NRK: variants seen among roughly 807,000 people sequenced by gnomAD.
NRK encodes the protein Nik related kinase.
Under a neutral mutation model 125.2 loss-of-function variants are expected in NRK, and 67 were observed. That is an observed-to-expected ratio of 0.54 (90% CI 0.44 to 0.66). NRK has a LOEUF of 0.66. Among genes scored for constraint, NRK ranks in the 30% least tolerant of loss-of-function variants. The pLI is 0.00. For missense variants in NRK, 1,224 were observed against 1,192.9 expected, an observed-to-expected ratio of 1.03 and a Z score of -0.38; for synonymous variants, 458 against 429.0, an observed-to-expected ratio of 1.07 and a Z score of -0.84.
intron 16 of NRK, among the ~76,000 whole-genome samples, chrX:105,921,338 G>T (rs1256670337): frequency 1.9e-5 from 2 of 103,905 alleles, no homozygotes; most frequent in African/African-American, 7.1e-5. Flanking sequence ...TTGTGGGGTG[G>T]GGGGAGTGGG....
intron 2 of NRK, among the ~76,000 whole-genome samples, chrX:105,850,100 A>G (rs1242081576): frequency 8.9e-6 from 1 of 112,170 alleles, no homozygotes; most frequent in Non-Finnish European, 1.9e-5. Context: ...AGGCATTTCC[A>G]TACATCTTCT....
chrX:105,830,982 T>TA (rs770525284), intron 1 of NRK, 72 bp from the exon 2 acceptor site: 21 of 630,843 alleles, frequency 3.3e-5, no homozygotes, highest in African/African-American at 4.5e-5. Flanking sequence ...GTATATATAT[T>TA]AAAAAAAAGA....
Position 105,923,439 on chromosome X carries a change from G to T in NRK, c.2932G>T (p.Asp978Tyr). The change falls in exon 18 of 29, where the codon GAT (aspartate) becomes TAT (tyrosine). Residue 978 changes from aspartate to tyrosine, a missense_variant. Transcript: ENST00000243300. ...DHDDDNNKFV[D>Y]DVNNNYYEAP... Reference sequence around the variant, plus strand: ...TGATGATGACAACAATAAGTTTGTTGATGATGTAAATAATAATTATTATGA... The same window carrying T: ...TGATGATGACAACAATAAGTTTGTTTATGATGTAAATAATAATTATTATGA... 1 of 1,147,268 alleles carries T rather than the reference G, an allele frequency of 8.7e-7. No individual in the cohort carries two copies. Among genetic ancestry groups the T allele is most frequent in the Non-Finnish European group, 1.2e-6 (1 of 858,020 alleles). 94.5% of individuals were successfully genotyped at this position (1,147,268 alleles called of 1,213,427 possible).
chrX:105,893,848 G>A lies in NRK; in HGVS notation c.395G>A (p.Cys132Tyr). 1 of 1,189,801 alleles carries A rather than the reference G, an allele frequency of 8.4e-7. No homozygotes were observed. Among genetic ancestry groups the A allele is most frequent in the Non-Finnish European group, 1.1e-6 (1 of 876,115 alleles). ...RHQLWMVMEL[C>Y]AAGSVTDVVR... ...TTCCTGCAGATGGTGATGGAGTTAT[G>A]TGCAGCAGGTTCGGTCACTGATGTA... The change falls in exon 6 of 29, where the codon TGT becomes TAT. Residue 132 changes from cysteine to tyrosine, a missense_variant. By Grantham distance (194) the Cys-to-Tyr change is radical. Coordinates refer to ENST00000243300, the MANE Select transcript of NRK (RefSeq NM_198465.4).
At chrX:105,952,903 A>C in intron 27 of NRK, 131 bp from the exon 28 acceptor site, 1 of 523,869 alleles carries the variant, frequency 1.9e-6, no homozygotes, top group Admixed American at 4.6e-5. Context: ...TACAGGAGGG[A>C]AAAACAGGAT....
At chrX:105,907,141 C>G (rs2040231576) in intron 11 of NRK, 1 of 110,613 alleles carries the variant, frequency 9.0e-6, no homozygotes, top group African/African-American at 3.3e-5. Context: ...AAACTTCTGT[C>G]TATTAATAAA....
chrX:105,903,604 T>C (rs1317198590), intron 9 of NRK, among the ~76,000 whole-genome samples: 3 of 111,696 alleles, frequency 2.7e-5, no homozygotes, highest in Non-Finnish European at 5.6e-5. Context: ...AGATATAGGT[T>C]GGAGGGGGCA....
At chrX:105,919,746 T>G (rs1286180844) in intron 16 of NRK, among the ~76,000 whole-genome samples, 1 of 111,902 alleles carries the variant, frequency 8.9e-6, no homozygotes, top group Non-Finnish European at 1.9e-5. Flanking sequence ...GGGGTTAAGA[T>G]TGAAGAATGT....
chrX:105,893,505 T>C (rs1260350569), intron 5 of NRK, among the ~76,000 whole-genome samples: 1 of 111,922 alleles, frequency 8.9e-6, no homozygotes, highest in Admixed American at 9.5e-5. Context: ...AGCATGTGTT[T>C]ATTTAGTTTT....
intron 23 of NRK, among the ~76,000 whole-genome samples, chrX:105,941,158 T>A (rs777352719): frequency 2.4e-4 from 27 of 111,351 alleles, no homozygotes; most frequent in African/African-American, 7.5e-4. Flanking sequence ...AAATATTAGT[T>A]CAGTAAGAGA....
At chrX:105,894,983 A>C (rs749875880) in intron 6 of NRK, among the ~76,000 whole-genome samples, 37 of 111,980 alleles carry the variant, frequency 3.3e-4, no homozygotes, top group Non-Finnish European at 6.2e-4. Flanking sequence ...CTGTAAAATG[A>C]ATTTCCACAT....
At chrX:105,891,551 A>G (rs1022335087) in intron 5 of NRK, among the ~76,000 whole-genome samples, 7 of 111,689 alleles carry the variant, frequency 6.3e-5, no homozygotes, top group African/African-American at 2.3e-4. Flanking sequence ...AGGACAGTGG[A>G]CATTATAGAA....
intron 23 of NRK, among the ~76,000 whole-genome samples, chrX:105,940,830 G>C (rs184323490): frequency 4.5e-5 from 5 of 111,599 alleles, no homozygotes; most frequent in Non-Finnish European, 7.5e-5. Context: ...GCATAGGTGA[G>C]AAATAGCTGG....
intron 2 of NRK, among the ~76,000 whole-genome samples, chrX:105,845,729 CCTAT>C (rs1394325416): frequency 9.0e-6 from 1 of 111,484 alleles, no homozygotes; most frequent in East Asian, 2.9e-4. Flanking sequence ...CCCAGATCAG[CCTAT>C]CTAAGAAGCT....
At chrX:105,920,707 G>A (rs1463486348) in intron 16 of NRK, among the ~76,000 whole-genome samples, 1 of 109,713 alleles carries the variant, frequency 9.1e-6, no homozygotes, top group Non-Finnish European at 1.9e-5. Context: ...AGACATTTAT[G>A]CAGCCAAAAA....
intron 2 of NRK, among the ~76,000 whole-genome samples, chrX:105,863,082 A>T (rs1032203739): frequency 1.8e-5 from 2 of 111,744 alleles, no homozygotes; most frequent in African/African-American, 3.3e-5. Flanking sequence ...ATGGTATGGT[A>T]TATGATTTTT....
intron 2 of NRK, among the ~76,000 whole-genome samples, chrX:105,842,956 A>G (rs930815058): frequency 8.9e-6 from 1 of 112,021 alleles, no homozygotes; most frequent in Non-Finnish European, 1.9e-5. Flanking sequence ...CCTTTCCACA[A>G]AACAAAGTGT....
At chrX:105,822,429 T>C (rs1185493236), upstream of NRK, 2 of 168,040 alleles carry the variant, frequency 1.2e-5, no homozygotes, top group African/African-American at 6.3e-5. Flanking sequence ...GCCGGGCGGC[T>C]GCCCACCTGG....
intron 2 of NRK, among the ~76,000 whole-genome samples, chrX:105,870,352 T>G (rs754208880): frequency 2.2e-4 from 25 of 111,621 alleles, no homozygotes; most frequent in Non-Finnish European, 4.0e-4. Flanking sequence ...CCTCAGCATG[T>G]GCAGTTATAG....
Sources: allele counts gnomAD v4.1 joint callset (sites outside exome capture counted in the v4.1 genomes callset), GRCh38; gene constraint gnomAD v4.1.1; transcripts MANE v1.5; gene names NCBI Gene and HGNC (gene_info 2026-07-23, HGNC 2026-07-21).